PPARGC1A: variants seen among roughly 807,000 people sequenced by gnomAD.
PPARGC1A encodes PPARG coactivator 1 alpha.
PPARGC1A carries 25 observed loss-of-function variants against 88.7 expected under a neutral mutation model. That is an observed-to-expected ratio of 0.28 (90% CI 0.21 to 0.39). The LOEUF is 0.39. PPARGC1A is among the 10% of genes least tolerant of loss of function. The pLI is 1.00. For synonymous variants in PPARGC1A, 363 were observed against 355.6 expected (o/e 1.02, Z -0.24); for missense variants, 880 against 968.7 (o/e 0.91, Z 1.22).
chr4:24,383,879 C>A, the PPARGC1A span, among the ~76,000 whole-genome samples: 3 of 152,060 alleles, frequency 2.0e-5, no homozygotes, highest in East Asian at 3.9e-4. Flanking sequence ...TAGAGAACGC[C>A]ACAAAGATAC....
chr4:23,960,808 A>G, the PPARGC1A span, among the ~76,000 whole-genome samples: 1 of 152,090 alleles, frequency 6.6e-6, no homozygotes, highest in Non-Finnish European at 1.5e-5. Flanking sequence ...CAAATTCATA[A>G]AATAATTAAG....
chr4:23,816,155 A>T (rs1358912419), intron 7 of PPARGC1A, among the ~76,000 whole-genome samples: 2 of 152,190 alleles, frequency 1.3e-5, no homozygotes, highest in Non-Finnish European at 2.9e-5. Context: ...CGGAGTTCCA[A>T]CTCAGAAAAT....
the PPARGC1A span, among the ~76,000 whole-genome samples, chr4:24,100,786 C>T: frequency 6.6e-5 from 10 of 152,236 alleles, no homozygotes; most frequent in African/African-American, 9.6e-5. Context: ...AGGCCGCTTG[C>T]GAGTAACATG....
the PPARGC1A span, chr4:24,091,364 A>T: frequency 9.3e-6 from 8 of 861,648 alleles, no homozygotes; most frequent in Non-Finnish European, 9.8e-6. Flanking sequence ...ACGTGCTTGC[A>T]GATAGCACAG....
At chr4:23,885,788 G>A (rs1288188086) in intron 1 of PPARGC1A, among the ~76,000 whole-genome samples, 1 of 152,080 alleles carries the variant, frequency 6.6e-6, no homozygotes, top group Non-Finnish European at 1.5e-5. Flanking sequence ...TGTGCTCTAC[G>A]TGAATTCAAA....
chr4:24,205,894 A>C, the PPARGC1A span, among the ~76,000 whole-genome samples: 91 of 152,324 alleles, frequency 6.0e-4, no homozygotes, highest in African/African-American at 2.0e-3. Flanking sequence ...ATGGCTAAAC[A>C]TAAGAAACCT....
intron 2 of PPARGC1A, among the ~76,000 whole-genome samples, chr4:23,868,141 A>G (rs960762415): frequency 5.3e-5 from 8 of 151,904 alleles, no homozygotes; most frequent in African/African-American, 1.9e-4. Flanking sequence ...CTTCTCGGGG[A>G]GAGAAGAGTA....
At chr4:24,364,678 T>G in the PPARGC1A span, among the ~76,000 whole-genome samples, 1 of 152,206 alleles carries the variant, frequency 6.6e-6, no homozygotes, top group African/African-American at 2.4e-5. Context: ...ACTTCTATTA[T>G]GTGATTATTC....
the PPARGC1A span, among the ~76,000 whole-genome samples, chr4:24,330,367 C>T: frequency 0.02 from 3,102 of 152,326 alleles, 105 homozygotes; most frequent in African/African-American, 0.071. Context: ...TGTAAGAAGT[C>T]TGACTCCCCT....
chr4:24,161,916 C>T, the PPARGC1A span, among the ~76,000 whole-genome samples: 1 of 150,764 alleles, frequency 6.6e-6, no homozygotes, highest in Non-Finnish European at 1.5e-5. Flanking sequence ...AATACGGAAC[C>T]AGCCCAAATG....
At chr4:24,321,205 A>G in the PPARGC1A span, among the ~76,000 whole-genome samples, 1 of 152,248 alleles carries the variant, frequency 6.6e-6, no homozygotes, top group African/African-American at 2.4e-5. Flanking sequence ...AAGAAGGATC[A>G]AGTGATTAAA....
the PPARGC1A span, among the ~76,000 whole-genome samples, chr4:24,255,863 T>C: frequency 1.3e-5 from 2 of 152,208 alleles, no homozygotes. Context: ...GTGATAAAAT[T>C]GGGATAATAA....
At chr4:24,424,327 G>A in the PPARGC1A span, among the ~76,000 whole-genome samples, 1 of 122,232 alleles carries the variant, frequency 8.2e-6, no homozygotes, top group African/African-American at 3.1e-5. Flanking sequence ...CCAGGCTCGA[G>A]TGCCCTGGAG....
the PPARGC1A span, among the ~76,000 whole-genome samples, chr4:23,938,822 C>A: frequency 6.6e-6 from 1 of 152,174 alleles, no homozygotes; most frequent in Non-Finnish European, 1.5e-5. Context: ...TCCCATCCCC[C>A]TAGGACATGA....
the PPARGC1A span, among the ~76,000 whole-genome samples, chr4:24,029,574 C>T: frequency 5.9e-5 from 9 of 152,112 alleles, no homozygotes; most frequent in African/African-American, 2.2e-4. Flanking sequence ...AATCATAATG[C>T]CTATCTTAGA....
the PPARGC1A span, among the ~76,000 whole-genome samples, chr4:24,281,527 T>C: frequency 2.6e-5 from 4 of 152,202 alleles, no homozygotes; most frequent in Non-Finnish European, 5.9e-5. Flanking sequence ...AATCTACTTA[T>C]GAAGGATCCA....
chr4:23,946,811 T>TAC, the PPARGC1A span, among the ~76,000 whole-genome samples: 148 of 150,628 alleles, frequency 9.8e-4, 1 homozygote, highest in Middle Eastern at 6.9e-3. Flanking sequence ...AAAATATATG[T>TAC]ACACACACAC....
chr4:24,349,904 A>G, the PPARGC1A span, among the ~76,000 whole-genome samples: 1 of 151,874 alleles, frequency 6.6e-6, no homozygotes, highest in Non-Finnish European at 1.5e-5. Flanking sequence ...CCCTCTGGCC[A>G]CCCTCCCGAT....
chr4:23,877,537 CAAAAAAAAAAAAAAAAA>C (rs11354781), intron 2 of PPARGC1A, among the ~76,000 whole-genome samples: 1 of 49,868 alleles, frequency 2.0e-5, no homozygotes, highest in African/African-American at 9.5e-5. Flanking sequence ...GACTCCATCT[CAAAAAAAAAAAAAAAAA>C]AAAAAAAAAA....
Sources: allele counts gnomAD v4.1 joint callset (sites outside exome capture counted in the v4.1 genomes callset), GRCh38; gene constraint gnomAD v4.1.1; transcripts MANE v1.5; gene names NCBI Gene and HGNC (gene_info 2026-07-23, HGNC 2026-07-21).